DAB1: variants seen among roughly 807,000 people sequenced by gnomAD.
DAB1 encodes disabled homolog 1.
Under a neutral mutation model 64.6 loss-of-function variants are expected in DAB1, and 15 were observed. The ratio of observed to expected loss-of-function variants is 0.23; its 90% CI spans 0.16 to 0.36. The LOEUF (loss-of-function observed/expected upper bound fraction) is 0.36. DAB1 is among the 10% of genes least tolerant of loss of function. The probability of loss-of-function intolerance (pLI) is 1.00; values close to 1 mark genes in which losing one functional copy is unlikely to be tolerated. For missense variants in DAB1, 596 were observed against 706.7 expected (o/e 0.84, Z 1.78); for synonymous variants, 235 against 251.9 (o/e 0.93, Z 0.64).
chr1:57,367,940 C>T (rs999126101), intron 1 of DAB1, among the ~76,000 whole-genome samples: 6 of 152,192 alleles, frequency 3.9e-5, no homozygotes, highest in Admixed American at 1.3e-4. Context: ...CAGCTGCAGC[C>T]GCCCAAACCA....
intron 6 of DAB1, among the ~76,000 whole-genome samples, chr1:57,689,615 AT>A (rs1031075684): frequency 1.3e-5 from 2 of 151,966 alleles, no homozygotes; most frequent in African/African-American, 4.8e-5. Context: ...GCTATGATTA[AT>A]TTTTTTTAAA....
At chr1:57,106,463 A>G (rs1170686436) in intron 4 of DAB1, among the ~76,000 whole-genome samples, 1 of 152,130 alleles carries the variant, frequency 6.6e-6, no homozygotes, top group Non-Finnish European at 1.5e-5. Flanking sequence ...TTTATAAACA[A>G]CAAGCATAAC....
intron 2 of DAB1, among the ~76,000 whole-genome samples, chr1:57,207,834 A>C (rs184555217): frequency 6.6e-6 from 1 of 152,294 alleles, no homozygotes; most frequent in East Asian, 1.9e-4. Flanking sequence ...CTATGTATTC[A>C]TATCTTAAAG....
chr1:57,256,778 C>T (rs1456710421), intron 2 of DAB1, among the ~76,000 whole-genome samples: 1 of 152,160 alleles, frequency 6.6e-6, no homozygotes, highest in African/African-American at 2.4e-5. Flanking sequence ...TTCTTCCTGA[C>T]ATGGGACAAG....
At chr1:58,139,310 C>G (rs1322031334) in intron 5 of DAB1, among the ~76,000 whole-genome samples, 2 of 152,082 alleles carry the variant, frequency 1.3e-5, no homozygotes, top group Admixed American at 6.6e-5. Flanking sequence ...CATTCTCATG[C>G]TACTATGAAG....
At chr1:57,682,592 G>A (rs1159351277) in intron 6 of DAB1, among the ~76,000 whole-genome samples, 1 of 152,004 alleles carries the variant, frequency 6.6e-6, no homozygotes, top group Non-Finnish European at 1.5e-5. Flanking sequence ...AGGAGACCAA[G>A]GGATAGCCCA....
chr1:57,348,050 A>C (rs961289724), intron 1 of DAB1, among the ~76,000 whole-genome samples: 1 of 152,220 alleles, frequency 6.6e-6, no homozygotes, highest in Non-Finnish European at 1.5e-5. Flanking sequence ...TTTGATCATC[A>C]TGACCTGGAA....
At chr1:58,475,797 C>A (rs1645413210) in intron 3 of DAB1, among the ~76,000 whole-genome samples, 2 of 151,984 alleles carry the variant, frequency 1.3e-5, no homozygotes, top group Admixed American at 1.3e-4. Context: ...TCCTATTTTC[C>A]CAAATAAATA....
chr1:57,391,814 G>C lies in DAB1; in HGVS notation c.-137+32116C>G, dbSNP rs202152256. Reference sequence around the variant, plus strand: ...ACACACACACACACACACACACACAGAGAGAGGAGAGAGAGAGAAGAGGGA... The same window carrying C: ...ACACACACACACACACACACACACACAGAGAGGAGAGAGAGAGAAGAGGGA... On this transcript the variant is annotated intron_variant, in intron 1 of 14. Transcript: ENST00000371236. Among the ~76,000 whole-genome samples, 1,336 of 137,438 alleles carry C rather than the reference G, an allele frequency of 9.7e-3. 23 individuals carry two copies. The highest frequency in any genetic ancestry group is 0.082 in the East Asian group (363 of 4,444). 90.2% of individuals were successfully genotyped at this position (137,438 alleles called of 152,430 possible).
intron 3 of DAB1, among the ~76,000 whole-genome samples, chr1:58,450,709 G>A (rs1027275370): frequency 4.6e-5 from 7 of 152,258 alleles, no homozygotes; most frequent in East Asian, 1.9e-4. Flanking sequence ...AGCTGAGATC[G>A]CGCCACTGCA....
chr1:57,312,425 T>A (rs1052176196), intron 1 of DAB1, among the ~76,000 whole-genome samples: 5 of 151,904 alleles, frequency 3.3e-5, no homozygotes, highest in Non-Finnish European at 5.9e-5. Flanking sequence ...AGAAATAACC[T>A]AAGTCTTTCA....
At chr1:57,355,393 C>G (rs768274007) in intron 1 of DAB1, among the ~76,000 whole-genome samples, 1 of 151,396 alleles carries the variant, frequency 6.6e-6, no homozygotes, top group Non-Finnish European at 1.5e-5. Context: ...TCCTTCCTTC[C>G]GTCCTTCCGT....
chr1:57,787,490 C>G (rs1650389128), intron 6 of DAB1, among the ~76,000 whole-genome samples: 1 of 151,874 alleles, frequency 6.6e-6, no homozygotes, highest in Non-Finnish European at 1.5e-5. Context: ...ACATGACAAA[C>G]TCACACAATA....
intron 10 of DAB1, 109 bp downstream of exon 10, chr1:57,025,872 G>T: frequency 1.2e-6 from 1 of 846,312 alleles, no homozygotes; most frequent in Non-Finnish European, 1.8e-6. Context: ...AGTCAACACT[G>T]AAATCCACCA....
intron 5 of DAB1, among the ~76,000 whole-genome samples, chr1:57,900,765 C>T (rs1011832057): frequency 1.3e-5 from 2 of 152,170 alleles, no homozygotes; most frequent in African/African-American, 4.8e-5. Flanking sequence ...TCTCTGACTT[C>T]CCAGCTCTGC....
At chr1:57,186,089 G>A (rs958778289) in intron 2 of DAB1, among the ~76,000 whole-genome samples, 4 of 152,154 alleles carry the variant, frequency 2.6e-5, no homozygotes, top group Non-Finnish European at 4.4e-5. Flanking sequence ...GTGAATCAAT[G>A]TCCCTGCAGG....
intron 5 of DAB1, among the ~76,000 whole-genome samples, chr1:58,034,153 C>G (rs1647010395): frequency 6.6e-6 from 1 of 152,222 alleles, no homozygotes; most frequent in Admixed American, 6.5e-5. Flanking sequence ...CGCTAGCAGT[C>G]ACTCTCTCAC....
intron 5 of DAB1, among the ~76,000 whole-genome samples, chr1:57,965,939 G>A (rs1044210985): frequency 2.9e-5 from 4 of 135,622 alleles, no homozygotes; most frequent in South Asian, 2.6e-4. Flanking sequence ...TTTAAATGGC[G>A]GGGGGGGAGA....
At chr1:57,686,091 C>T (rs1646693920) in intron 6 of DAB1, among the ~76,000 whole-genome samples, 1 of 151,828 alleles carries the variant, frequency 6.6e-6, no homozygotes, top group African/African-American at 2.4e-5. Context: ...TATAAAAATC[C>T]TTACAAAGGA....
Sources: gnomAD v4.1 joint callset for allele counts (sites outside exome capture counted in the v4.1 genomes callset) on GRCh38, gnomAD v4.1.1 for gene constraint, MANE v1.5 for transcripts, NCBI Gene and HGNC (gene_info 2026-07-23, HGNC 2026-07-21) for gene names.